Variants in EPM2A observed in about 807,000 individuals in gnomAD.
EPM2A encodes laforin.
In EPM2A, 21 loss-of-function variants were observed where a neutral mutation model predicts 26.5. That is an observed-to-expected ratio of 0.79 (90% confidence interval 0.56 to 1.14). EPM2A has a LOEUF of 1.14. Ranked by LOEUF, EPM2A falls within the 50% of genes most tolerant of loss-of-function variation. EPM2A has a pLI of 0.00. For synonymous variants in EPM2A, 217 were observed against 177.6 expected, an observed-to-expected ratio of 1.22 and a Z score of -1.76; for missense variants, 458 against 440.8, an observed-to-expected ratio of 1.04 and a Z score of -0.35.
At chr6:145,628,366 C>T (rs957057657) in intron 3 of EPM2A, 2 of 153,536 alleles carry the variant, frequency 1.3e-5, no homozygotes, top group Non-Finnish European at 2.9e-5. Context: ...TTAGATTATT[C>T]AAATATCTTC....
chr6:145,461,017 CA>C (rs1466832888), intron 4 of EPM2A, among the ~76,000 whole-genome samples: 2 of 152,246 alleles, frequency 1.3e-5, no homozygotes, highest in African/African-American at 2.4e-5. Context: ...AATTAGCAAT[CA>C]AATACTTTGA....
chr6:145,447,443 TA>T (rs1779141225), intron 4 of EPM2A, among the ~76,000 whole-genome samples: 3 of 152,110 alleles, frequency 2.0e-5, no homozygotes, highest in Admixed American at 2.0e-4. Flanking sequence ...CTCACTTTTT[TA>T]CTATATACAT....
chr6:145,667,698 TAA>T (rs1410463568), intron 2 of EPM2A, among the ~76,000 whole-genome samples: 1 of 143,678 alleles, frequency 7.0e-6, no homozygotes, highest in Non-Finnish European at 1.5e-5. Context: ...CATGCTGCTA[TAA>T]AGACACATGC....
chr6:145,701,788 T>A (rs958506924), intron 1 of EPM2A, among the ~76,000 whole-genome samples: 2 of 152,212 alleles, frequency 1.3e-5, no homozygotes, highest in Non-Finnish European at 1.5e-5. Flanking sequence ...CTCCACCTGA[T>A]TTAATTCAAA....
At position 145,627,353 on chromosome 6, in the gene EPM2A, T is replaced by C; in HGVS notation, c.*63A>G. 1.9e-6 allele frequency: 3 copies of C among 1,609,424 alleles called. No individual in the cohort carries two copies. Among genetic ancestry groups the C allele is most frequent in the African/African-American group, 1.3e-5 (1 of 75,026 alleles). ...AGGTAGAATCCTTGTTTCTAGGTCATTTGACCAACATCATCCCAGGCTCCT... is the reference window on the plus strand; with the variant it reads ...AGGTAGAATCCTTGTTTCTAGGTCACTTGACCAACATCATCCCAGGCTCCT... On this transcript the variant is annotated 3_prime_UTR_variant, in exon 4 of 4. Transcript: ENST00000367519.
At chr6:145,412,173 C>A (rs918984607) in intron 4 of EPM2A, among the ~76,000 whole-genome samples, 2 of 147,858 alleles carry the variant, frequency 1.4e-5, no homozygotes, top group South Asian at 2.1e-4. Context: ...GCCAAGATTG[C>A]GCCATTGCAC....
At chr6:145,408,516 C>G (rs1206093715) in intron 4 of EPM2A, among the ~76,000 whole-genome samples, 1 of 152,146 alleles carries the variant, frequency 6.6e-6, no homozygotes, top group Non-Finnish European at 1.5e-5. Flanking sequence ...ATAAATGGTT[C>G]TCTCCTCTTT....
intron 4 of EPM2A, among the ~76,000 whole-genome samples, chr6:145,405,981 TACACACACAC>T (rs56700058): frequency 1.8e-4 from 27 of 146,606 alleles, no homozygotes; most frequent in Admixed American, 8.2e-4. Flanking sequence ...TGGAGATACC[TACACACACAC>T]ACACACACAC....
chr6:145,657,847 C>G (rs945864078), intron 2 of EPM2A, among the ~76,000 whole-genome samples: 51 of 152,146 alleles, frequency 3.4e-4, no homozygotes, highest in African/African-American at 1.1e-3. Context: ...ATCTCTGTCC[C>G]CAGAGTCTGC....
chr6:145,492,902 A>C (rs1259597013), intron 4 of EPM2A, among the ~76,000 whole-genome samples: 3 of 152,222 alleles, frequency 2.0e-5, no homozygotes, highest in Non-Finnish European at 4.4e-5. Flanking sequence ...ACATTTGTTC[A>C]GGAAAACAGG....
At chr6:145,640,701 A>G (rs890008006) in intron 2 of EPM2A, 2 of 152,222 alleles carry the variant, frequency 1.3e-5, no homozygotes, top group Admixed American at 1.3e-4. Flanking sequence ...GTAAAGGGAA[A>G]AAAAGTCTAT....
chr6:145,428,075 G>GTTTTTTT (rs11343322), intron 4 of EPM2A, among the ~76,000 whole-genome samples: 1 of 97,522 alleles, frequency 1.0e-5, no homozygotes, highest in Non-Finnish European at 2.1e-5. Context: ...TGTGTTGATA[G>GTTTTTTT]TTTTTTTTTT....
intron 2 of EPM2A, among the ~76,000 whole-genome samples, chr6:145,597,545 T>C (rs989553291): frequency 1.3e-5 from 2 of 152,114 alleles, no homozygotes; most frequent in African/African-American, 4.8e-5. Context: ...CTTTTCTAAT[T>C]TTTTTGTGTT....
chr6:145,704,439 C>A (rs955182257), intron 1 of EPM2A, among the ~76,000 whole-genome samples: 2 of 152,126 alleles, frequency 1.3e-5, no homozygotes, highest in Non-Finnish European at 2.9e-5. Context: ...AATTTCCTAT[C>A]GCTTTTCATT....
intron 2 of EPM2A, among the ~76,000 whole-genome samples, chr6:145,572,280 T>C (rs1780968727): frequency 6.6e-6 from 1 of 152,218 alleles, no homozygotes. Flanking sequence ...TCTCTTCTTC[T>C]GTCAAATGAT....
intron 2 of EPM2A, among the ~76,000 whole-genome samples, chr6:145,662,280 T>G (rs1778774908): frequency 6.6e-6 from 1 of 152,224 alleles, no homozygotes; most frequent in South Asian, 2.1e-4. Context: ...AAATCATTCC[T>G]GATCATTTGT....
intron 2 of EPM2A, among the ~76,000 whole-genome samples, chr6:145,581,303 G>A (rs1781109626): frequency 6.6e-6 from 1 of 151,970 alleles, no homozygotes; most frequent in Admixed American, 6.6e-5. Flanking sequence ...TGTGTTCTTT[G>A]AAAAAGTGCC....
intron 2 of EPM2A, among the ~76,000 whole-genome samples, chr6:145,666,202 A>C (rs549749551): frequency 8.8e-6 from 1 of 113,512 alleles, no homozygotes; most frequent in Admixed American, 9.9e-5. Flanking sequence ...GTATTCAATT[A>C]GGAAAAGAGG....
chr6:145,510,405 A>G (rs748171165), intron 2 of EPM2A, among the ~76,000 whole-genome samples: 3 of 152,170 alleles, frequency 2.0e-5, no homozygotes, highest in African/African-American at 4.8e-5. Context: ...TCCAACCACA[A>G]TGGAATACAA....
Sources: gnomAD v4.1 joint callset for allele counts (sites outside exome capture counted in the v4.1 genomes callset) on GRCh38, gnomAD v4.1.1 for gene constraint, MANE v1.5 for transcripts, NCBI Gene and HGNC (gene_info 2026-07-23, HGNC 2026-07-21) for gene names.